Variants in MKI67 observed in about 807,000 individuals in gnomAD.
The protein encoded by MKI67 is marker of proliferation Ki-67.
MKI67 carries 152 observed loss-of-function variants against 233.5 expected under a neutral mutation model. That is an observed-to-expected ratio of 0.65 (90% CI 0.57 to 0.74). The LOEUF (loss-of-function observed/expected upper bound fraction) is 0.74. MKI67 is among the 30% of genes least tolerant of loss of function. The pLI, the probability that MKI67 is intolerant of heterozygous loss-of-function variation, is 0.00. For missense variants in MKI67, 3,940 were observed against 3,885.2 expected, an observed-to-expected ratio of 1.01 and a Z score of -0.37; for synonymous variants, 1,465 against 1,418.5, an observed-to-expected ratio of 1.03 and a Z score of -0.74.
Position 128,106,164 on chromosome 10 carries a change from T to C in MKI67, c.5676A>G (p.Ala1892=), listed in dbSNP as rs556191661. 6.2e-7 allele frequency: 1 copy of C among 1,613,816 alleles called. No homozygotes were observed. Among genetic ancestry groups the C allele is most frequent in the East Asian group, 2.2e-5 (1 of 44,854 alleles). Residue 1892 remains alanine, a synonymous_variant, in exon 13 of 15, where the codon GCA becomes GCG. Coordinates refer to ENST00000368654, the MANE Select transcript of MKI67 (RefSeq NM_002417.5). ...CTGCTGATGGTGTTAGTTTCCTGAA[T>C]GCTAAAAATTCTTCCTCTACGTCTG... ...KKADVEEEFL[A]FRKLTPSAGK... is the part of the protein sequence containing the mutation.
chr10:128,111,462 G>A (rs1020241144), intron 11 of MKI67, 183 bp downstream of exon 11: 7 of 565,408 alleles, frequency 1.2e-5, no homozygotes, highest in Non-Finnish European at 1.8e-5. Flanking sequence ...AATTAGCAGA[G>A]ACTTGTCTTT....
rs1365903140 is a variant in MKI67 at position 128,109,122 on chromosome 10, T to C, written c.2718A>G (p.Lys906=). Residue 906 remains lysine (K), a synonymous_variant, in exon 13 of 15, where the codon AAA becomes AAG. Transcript: ENST00000368654. ...GTAGTAGTGTTGCCTTCTGACCTCT[T>C]TTTAGGATGCACTCAACAATTTCTG... The part of the protein sequence containing the change: ...TNTEIVECIL[K]RGQKATLLQQ... 2 of 1,614,242 alleles carry C rather than the reference T, an allele frequency of 1.2e-6. No homozygotes were observed. Among genetic ancestry groups the C allele is most frequent in the Non-Finnish European group, 1.7e-6 (2 of 1,180,040 alleles).
chr10:128,098,373 G>T lies in MKI67; in HGVS notation c.*817C>A, dbSNP rs1027631334. On this transcript the variant is annotated 3_prime_UTR_variant, in exon 15 of 15. Transcript: ENST00000368654. ...AGATAGAGTCAGAAAGAAAACAGGC[G>T]GGAGCAGAGCCAGTAAACTTCCGAA... is the stretch of plus-strand genomic sequence containing the variant. The T allele has an allele frequency of 6.6e-6, 1 of 152,210 alleles. No individual in the cohort carries two copies. The highest frequency in any genetic ancestry group is 1.5e-5 in the Non-Finnish European group (1 of 68,108). 9.4% of individuals were successfully genotyped at this position (152,210 alleles called of 1,614,324 possible).
rs374909473 is a variant in MKI67, at chr10:128,108,991, C to T, written c.2849G>A (p.Arg950Lys). Residue 950 changes from arginine (R) to lysine (K), a missense_variant, in exon 13 of 15, where the codon AGA becomes AAA. Arg to Lys is a conservative substitution (Grantham distance 26). Transcript: ENST00000368654. The stretch of plus-strand genomic sequence containing the variant: ...ACATTTCTGCCCCCAAGTTCTTGAT[C>T]TCTTCATTGCTTTCATCTTTTCATC... ...ENDEKMKAMK[R>K]SRTWGQKCAP... 1.9e-6 allele frequency: 3 copies of T among 1,614,068 alleles called. No homozygotes were observed. The highest frequency in any genetic ancestry group is 2.5e-6 in the Non-Finnish European group (3 of 1,180,038).
rs773877414 is a variant in MKI67, at chr10:128,106,258, G to A, written c.5582C>T (p.Ser1861Phe). 2 of 1,614,082 alleles carry A rather than the reference G, an allele frequency of 1.2e-6. No individual in the cohort carries two copies. Among genetic ancestry groups the A allele is most frequent in the African/African-American group, 2.7e-5 (2 of 75,006 alleles). Residue 1861 changes from serine (S) to phenylalanine (F), a missense_variant, in exon 13 of 15, where the codon TCT (serine) becomes TTT (phenylalanine). Ser to Phe is a radical substitution (Grantham distance 155). Coordinates refer to ENST00000368654, the MANE Select transcript of MKI67 (RefSeq NM_002417.5). Reference sequence around the variant, plus strand: ...GGTGTCCGCTGGGTCTGATTGCGGAGATTTGCAGAGTATTTTTTTGGTAGT... The same window carrying A: ...GGTGTCCGCTGGGTCTGATTGCGGAAATTTGCAGAGTATTTTTTTGGTAGT... ...EKTTKKILCK[S>F]PQSDPADTPT...
At position 128,105,829 on chromosome 10, in the gene MKI67, C is replaced by A; in HGVS notation, c.6011G>T (p.Gly2004Val). The change falls in exon 13 of 15, where the codon GGG becomes GTG. Residue 2004 changes from glycine (G) to valine (V), a missense_variant. Gly to Val is a moderately radical substitution (Grantham distance 109). Coordinates refer to ENST00000368654, the MANE Select transcript of MKI67 (RefSeq NM_002417.5). ...SSKQRLKISL[G>V]KVGVKEEVLP... ...GACCTCTTCTTTCACACCTACTTTC[C>A]CCAAGGATATCTTGAGTCGTTGCTT... is the stretch of plus-strand genomic sequence containing the variant. 6.2e-7 allele frequency: 1 copy of A among 1,614,128 alleles called. No homozygotes were observed. Among genetic ancestry groups the A allele is most frequent in the South Asian group, 1.1e-5 (1 of 91,080 alleles).
At position 128,108,003 on chromosome 10, in the gene MKI67, C is replaced by G; in HGVS notation, c.3837G>C (p.Glu1279Asp). ...PKRSIRKADV[E>D]GELLACRNLM... The stretch of plus-strand genomic sequence containing the variant: ...GATTCCTGCACGCTAAGAGTTCTCC[C>G]TCTACATCTGCTTTCCTGATACTTC... The change falls in exon 13 of 15, where the codon GAG becomes GAC. Residue 1279 changes from glutamate to aspartate, a missense_variant. Glu to Asp is a conservative substitution (Grantham distance 45). Coordinates refer to ENST00000368654, the MANE Select transcript of MKI67 (RefSeq NM_002417.5). 1 of 1,613,744 alleles carries G rather than the reference C, an allele frequency of 6.2e-7. No homozygotes were observed. The highest frequency in any genetic ancestry group is 1.1e-5 in the South Asian group (1 of 91,056).
At chr10:128,121,976 G>C (rs192719527) in intron 4 of MKI67, among the ~76,000 whole-genome samples, 1 of 152,112 alleles carries the variant, frequency 6.6e-6, no homozygotes, top group East Asian at 1.9e-4. Context: ...TCCATGCTTA[G>C]GTAGTGAAAC....
At position 128,108,615 on chromosome 10, in the gene MKI67, G is replaced by C. The variant is rs1852587052; in HGVS notation, c.3225C>G (p.Ile1075Met). ...IRTFKESPKQILDPAARVTGM... is the reference protein window; with the variant it reads ...IRTFKESPKQMLDPAARVTGM... ...CAGTTACACGGGCTGCTGGGTCCAG[G>C]ATCTGCTTTGGAGACTCCTTAAACG... The change falls in exon 13 of 15, where the codon ATC (isoleucine) becomes ATG (methionine). Residue 1075 changes from isoleucine (I) to methionine (M), a missense_variant. Physicochemically the swap from Ile to Met is conservative, Grantham distance 10 (BLOSUM62 1). Coordinates refer to ENST00000368654, the MANE Select transcript of MKI67 (RefSeq NM_002417.5). The C allele has an allele frequency of 6.2e-7, 1 of 1,614,134 alleles. No individual in the cohort carries two copies. The highest frequency in any genetic ancestry group is 1.3e-5 in the African/African-American group (1 of 75,032).
In MKI67 at chr10:128,111,778, G is replaced by A; in HGVS notation, c.2127C>T (p.Gly709=). 6.2e-7 allele frequency: 1 copy of A among 1,614,010 alleles called. No individual in the cohort carries two copies. The highest frequency in any genetic ancestry group is 8.5e-7 in the Non-Finnish European group (1 of 1,179,994). ...VGEVHSQFST[G]HANSPCTIII... ...TTATGGTACAAGGAGAGTTTGCGTG[G>A]CCTGTACTAAATTGACTGTGAACTT... The change falls in exon 11 of 15, where the codon GGC becomes GGT. Residue 709 remains glycine, a synonymous_variant. Coordinates refer to ENST00000368654, the MANE Select transcript of MKI67 (RefSeq NM_002417.5).
At position 128,104,035 on chromosome 10, in the gene MKI67, C is replaced by T; in HGVS notation, c.7805G>A (p.Arg2602Lys). The T allele has an allele frequency of 6.2e-7, 1 of 1,614,016 alleles. No individual in the cohort carries two copies. The highest frequency in any genetic ancestry group is 8.5e-7 in the Non-Finnish European group (1 of 1,180,008). The change falls in exon 13 of 15, where the codon AGA becomes AAA. Residue 2602 changes from arginine to lysine, a missense_variant. Arg to Lys is a conservative substitution (Grantham distance 26, BLOSUM62 2). Coordinates refer to ENST00000368654, the MANE Select transcript of MKI67 (RefSeq NM_002417.5). ...TTTCCTGGGACGTGTCTTGGGGCAT[C>T]TCTTTGTGCTCGTGGCAGTGTCTGT... Reference protein sequence around the residue: ...ELTDTATSTKRCPKTRPRKEV... With the variant: ...ELTDTATSTKKCPKTRPRKEV...
rs1565003084 is a variant in MKI67 at position 128,106,026 on chromosome 10, C to A, written c.5814G>T (p.Lys1938Asn). ...TTTCTTTAGGAGTTTGTGGCCGTCT[C>A]TTGCTGCCAGGTAAATTTCCTAGCA... ...LDLLGNLPGSKRRPQTPKEKA... is the reference protein window; with the variant it reads ...LDLLGNLPGSNRRPQTPKEKA... Residue 1938 changes from lysine (K) to asparagine (N), a missense_variant, in exon 13 of 15, where the codon AAG (lysine) becomes AAT (asparagine). Lys to Asn is a moderately conservative substitution (Grantham distance 94). Coordinates refer to ENST00000368654, the MANE Select transcript of MKI67 (RefSeq NM_002417.5). 6.2e-7 allele frequency: 1 copy of A among 1,614,026 alleles called. No individual in the cohort carries two copies. Among genetic ancestry groups the A allele is most frequent in the East Asian group, 2.2e-5 (1 of 44,872 alleles).
intron 7 of MKI67, among the ~76,000 whole-genome samples, chr10:128,113,947 G>C (rs1286461285): frequency 2.6e-5 from 4 of 152,144 alleles, no homozygotes; most frequent in Non-Finnish European, 5.9e-5. Flanking sequence ...ACATGCACTT[G>C]GGTCTCAGCC....
Position 128,115,902 on chromosome 10 carries a change from T to A in MKI67, c.506A>T (p.Asp169Val), listed in dbSNP as rs750913019. 6.2e-7 allele frequency: 1 copy of A among 1,610,530 alleles called. No homozygotes were observed. Among genetic ancestry groups the A allele is most frequent in the Non-Finnish European group, 8.5e-7 (1 of 1,180,014 alleles). The change falls in exon 7 of 15, where the codon GAT (aspartate) becomes GTT (valine). Residue 169 changes from aspartate (D) to valine (V), a missense_variant. By Grantham distance (152) the Asp-to-Val change is radical. Transcript: ENST00000368654. ...CTGAGCAACACTGTCTTTTGAGTCA[T>A]CTGCGGTACTGTCTTCTTTGACATT... is the stretch of plus-strand genomic sequence containing the variant. Reference protein sequence around the residue: ...IKNVKEDSTADDSKDSVAQGT... With the variant: ...IKNVKEDSTAVDSKDSVAQGT...
Position 128,099,113 on chromosome 10 carries a change from G to C in MKI67, c.*77C>G. ...ACAGCCTTACTTACAGAATTCACTT[G>C]TAATTTATGACAAAAACTGCACTAG... On this transcript the variant is annotated 3_prime_UTR_variant, in exon 15 of 15. Transcript: ENST00000368654. 1 of 1,167,150 alleles carries C rather than the reference G, an allele frequency of 8.6e-7. No homozygotes were observed. Among genetic ancestry groups the C allele is most frequent in the East Asian group, 2.5e-5 (1 of 40,742 alleles). The allele number at this position is 1,167,150 out of a possible 1,614,324, so 72.3% of individuals were successfully genotyped here.
At position 128,103,452 on chromosome 10, in the gene MKI67, G is replaced by T. The variant is rs146458011; in HGVS notation, c.8388C>A (p.Ala2796=). The change falls in exon 13 of 15, where the codon GCC becomes GCA. Residue 2796 remains alanine (A), a synonymous_variant. Transcript: ENST00000368654. ...CTTTGAAGCCAGCTAGGTCTTCTATGGCTTGGGCACTTTCCCTGGGTGCTC... is the reference window on the plus strand; with the variant it reads ...CTTTGAAGCCAGCTAGGTCTTCTATTGCTTGGGCACTTTCCCTGGGTGCTC... ...RPRAPRESAQ[A]IEDLAGFKDP... 5.0e-5 allele frequency: 80 copies of T among 1,613,640 alleles called. No individual in the cohort carries two copies. The highest frequency in any genetic ancestry group is 6.7e-5 in the Non-Finnish European group (79 of 1,179,882).
chr10:128,116,367 A>G, intron 6 of MKI67, 124 bp downstream of exon 6: 1 of 853,790 alleles, frequency 1.2e-6, no homozygotes, highest in Non-Finnish European at 1.9e-6. Context: ...GTTAAATGAC[A>G]CCTCCTCCAT....
At position 128,105,661 on chromosome 10, in the gene MKI67, T is replaced by C. The variant is rs1203081788; in HGVS notation, c.6179A>G (p.Glu2060Gly). Reference sequence around the variant, plus strand: ...TTCCTTAGGTGTTCTTGGCCACCTCTCCATCCCAGTTCCATAGTTTGCTGG... The same window carrying C: ...TTCCTTAGGTGTTCTTGGCCACCTCCCCATCCCAGTTCCATAGTTTGCTGG... Reference protein sequence around the residue: ...LDPANYGTGMERWPRTPKEEA... With the variant: ...LDPANYGTGMGRWPRTPKEEA... The change falls in exon 13 of 15, where the codon GAG becomes GGG. Residue 2060 changes from glutamate to glycine, a missense_variant. Coordinates refer to ENST00000368654, the MANE Select transcript of MKI67 (RefSeq NM_002417.5). The C allele has an allele frequency of 1.9e-6, 3 of 1,613,750 alleles. No homozygotes were observed. The highest frequency in any genetic ancestry group is 2.5e-6 in the Non-Finnish European group (3 of 1,179,968).
At position 128,115,787 on chromosome 10, in the gene MKI67, G is replaced by C; in HGVS notation, c.621C>G (p.Ser207=). ...DPISGDFKEI[S]SVKLVSRYGE... ...CATAACGGCTCACTAATTTAACGCT[G>C]GAAATTTCTTTAAAATCCCCAGAAA... Residue 207 remains serine (S), a synonymous_variant, in exon 7 of 15, where the codon TCC becomes TCG. Transcript: ENST00000368654. 6.2e-7 allele frequency: 1 copy of C among 1,612,272 alleles called. No homozygotes were observed. The highest frequency in any genetic ancestry group is 1.1e-5 in the South Asian group (1 of 91,084).
Sources: allele counts gnomAD v4.1 joint callset (sites outside exome capture counted in the v4.1 genomes callset), GRCh38; gene constraint gnomAD v4.1.1; transcripts MANE v1.5; gene names NCBI Gene and HGNC (gene_info 2026-07-23, HGNC 2026-07-21).